The following SETD2 variants were observed in gnomAD, a reference collection of about 807,000 sequenced individuals.
The protein encoded by SETD2 is SET domain containing 2, histone lysine methyltransferase.
In SETD2, 31 loss-of-function variants were observed where a neutral mutation model predicts 242.1. That is an observed-to-expected ratio of 0.13 (90% CI 0.10 to 0.17). SETD2 has a LOEUF of 0.17. Among genes scored for constraint, SETD2 ranks in the 10% least tolerant of loss-of-function variants. SETD2 has a pLI of 1.00. For synonymous variants in SETD2, 1,006 were observed against 1,066.5 expected (o/e 0.94, Z 1.11); for missense variants, 2,481 against 3,046.3 (o/e 0.81, Z 4.37).
intron 8 of SETD2, among the ~76,000 whole-genome samples, chr3:47,099,573 G>A (rs2042131009): frequency 6.6e-6 from 1 of 152,184 alleles, no homozygotes; most frequent in African/African-American, 2.4e-5. Context: ...CTTACTAAGT[G>A]TTGCAAAATG....
intron 1 of SETD2, among the ~76,000 whole-genome samples, chr3:47,160,561 C>T (rs1180650627): frequency 5.3e-5 from 8 of 151,914 alleles, no homozygotes; most frequent in African/African-American, 1.7e-4. Context: ...CCACCCACCT[C>T]GGCCTCCAAA....
chr3:47,106,096 A>G lies in SETD2; in HGVS notation c.4740T>C (p.Cys1580=), dbSNP rs2042408100. The part of the protein sequence containing the change: ...LPSNTFVLEY[C]GEVLDHKEFK... ...ACTCTTTATGATCGAGTACCTCTCC[A>G]CAATATTCTAGGACAAAGGTGTTCC... The change falls in exon 6 of 21, where the codon TGT becomes TGC. Residue 1580 remains cysteine (C), a synonymous_variant. Coordinates refer to ENST00000409792, the MANE Select transcript of SETD2 (RefSeq NM_014159.7). The G allele has an allele frequency of 6.2e-7, 1 of 1,613,592 alleles. No homozygotes were observed. Among genetic ancestry groups the G allele is most frequent in the African/African-American group, 1.3e-5 (1 of 74,858 alleles).
At chr3:47,111,664 C>T (rs1264374287) in intron 5 of SETD2, among the ~76,000 whole-genome samples, 1 of 151,956 alleles carries the variant, frequency 6.6e-6, no homozygotes, top group Non-Finnish European at 1.5e-5. Context: ...CCTACTAGCC[C>T]CCTTTTTGTG....
intron 1 of SETD2, among the ~76,000 whole-genome samples, chr3:47,142,473 C>T (rs1265855653): frequency 6.6e-6 from 1 of 152,038 alleles, no homozygotes; most frequent in Non-Finnish European, 1.5e-5. Context: ...GGTGCCACTG[C>T]ACTCCAGCCT....
At chr3:47,138,961 C>CT (rs1477055569) in intron 1 of SETD2, among the ~76,000 whole-genome samples, 7 of 151,878 alleles carry the variant, frequency 4.6e-5, no homozygotes, top group East Asian at 3.8e-4. Context: ...TCTTTCTTTT[C>CT]TTTTTTTTGA....
chr3:47,109,610 T>C (rs2042572442), intron 5 of SETD2, among the ~76,000 whole-genome samples: 2 of 152,082 alleles, frequency 1.3e-5, no homozygotes, highest in Admixed American at 1.3e-4. Context: ...ATCGCGCCAC[T>C]GCATTCAAGC....
chr3:47,089,333 G>A (rs1450191603), intron 9 of SETD2, among the ~76,000 whole-genome samples: 2 of 152,052 alleles, frequency 1.3e-5, no homozygotes, highest in Non-Finnish European at 2.9e-5. Flanking sequence ...TATAGTCTCA[G>A]CTATTCAGGA....
chr3:47,110,322 T>C (rs984772098), intron 5 of SETD2, among the ~76,000 whole-genome samples: 1 of 152,188 alleles, frequency 6.6e-6, no homozygotes, highest in Non-Finnish European at 1.5e-5. Context: ...TTTCAGATGA[T>C]GAAAATGTTT....
intron 16 of SETD2, among the ~76,000 whole-genome samples, chr3:47,043,741 C>G (rs571779323): frequency 6.6e-6 from 1 of 152,132 alleles, no homozygotes; most frequent in Non-Finnish European, 1.5e-5. Flanking sequence ...TTTTTTATCT[C>G]TTATTTCACC....
At chr3:47,111,211 CTTTGA>C (rs1483072982) in intron 5 of SETD2, among the ~76,000 whole-genome samples, 1 of 150,482 alleles carries the variant, frequency 6.6e-6, no homozygotes, top group African/African-American at 2.4e-5. Flanking sequence ...CAATGGGCTG[CTTTGA>C]GAGGTATTGA....
Position 47,046,605 on chromosome 3 carries a change from C to T in SETD2, c.6980G>A (p.Ser2327Asn). 1 of 1,611,176 alleles carries T rather than the reference C, an allele frequency of 6.2e-7. No homozygotes were observed. Among genetic ancestry groups the T allele is most frequent in the South Asian group, 1.1e-5 (1 of 90,604 alleles). Residue 2327 changes from serine (S) to asparagine (N), a missense_variant, in exon 16 of 21, where the codon AGT (serine) becomes AAT (asparagine). Coordinates refer to ENST00000409792, the MANE Select transcript of SETD2 (RefSeq NM_014159.7). ...CTGTTGCCCCTGGATATACTGAAGA[C>T]TTGGCTGGGCATAACTCTAAAAGAT... is the stretch of plus-strand genomic sequence containing the variant. Reference protein sequence around the residue: ...PPIVQSYAQPSLQYIQGQQIF... With the variant: ...PPIVQSYAQPNLQYIQGQQIF...
intron 5 of SETD2, among the ~76,000 whole-genome samples, chr3:47,109,784 G>A (rs187805714): frequency 2.0e-5 from 3 of 152,028 alleles, no homozygotes; most frequent in South Asian, 2.1e-4. Context: ...TCAGGAGTTC[G>A]AGACCAGCTG....
At chr3:47,137,130 T>G (rs1024190250) in intron 1 of SETD2, among the ~76,000 whole-genome samples, 1 of 152,164 alleles carries the variant, frequency 6.6e-6, no homozygotes, top group African/African-American at 2.4e-5. Context: ...TCCTTTGAGA[T>G]TCTCCCATCA....
At chr3:47,133,106 G>A (rs963566071) in intron 1 of SETD2, among the ~76,000 whole-genome samples, 2 of 152,074 alleles carry the variant, frequency 1.3e-5, no homozygotes, top group African/African-American at 4.8e-5. Context: ...AAGTAATGAT[G>A]TATACATATA....
intron 16 of SETD2, among the ~76,000 whole-genome samples, chr3:47,044,291 C>G (rs1003016136): frequency 1.6e-5 from 2 of 125,242 alleles, no homozygotes; most frequent in African/African-American, 6.2e-5. Flanking sequence ...TGCAGTGAGC[C>G]GCGAGATCAA....
chr3:47,116,447 ATT>A (rs2042856274), intron 4 of SETD2, among the ~76,000 whole-genome samples, 174 bp downstream of exon 4: 1 of 152,204 alleles, frequency 6.6e-6, no homozygotes, highest in African/African-American at 2.4e-5. Flanking sequence ...TGCAAGGGAT[ATT>A]TGTTTCCCTA....
chr3:47,033,652 A>ATTTTT lies in SETD2; in HGVS notation c.7350+4009_7350+4013dup, dbSNP rs34978514. 3.4e-4 allele frequency among the ~76,000 whole-genome samples: 31 copies of ATTTTT among 90,864 alleles called. 2 individuals are homozygous for ATTTTT. Among genetic ancestry groups the ATTTTT allele is most frequent in the African/African-American group, 7.3e-4 (16 of 22,066 alleles). 59.6% of individuals were successfully genotyped at this position (90,864 alleles called of 152,430 possible). Reference sequence around the variant, plus strand: ...AAGTTATAAGCCCTGTCATGGTTTGATTTTTTTTTTTTTTTTTTTTTTTTT... The same window carrying ATTTTT: ...AAGTTATAAGCCCTGTCATGGTTTGATTTTTTTTTTTTTTTTTTTTTTTTTTTTTT... On this transcript the variant is annotated intron_variant, in intron 18 of 20. Coordinates refer to ENST00000409792, the MANE Select transcript of SETD2 (RefSeq NM_014159.7).
chr3:47,075,130 T>A (rs1339896806), intron 12 of SETD2, among the ~76,000 whole-genome samples: 1 of 135,068 alleles, frequency 7.4e-6, no homozygotes, highest in Non-Finnish European at 1.6e-5. Context: ...CGAGACTCCG[T>A]CTCTTAAAAA....
intron 1 of SETD2, among the ~76,000 whole-genome samples, chr3:47,132,977 T>TTGTATCAG (rs1297291734): frequency 1.3e-5 from 2 of 152,172 alleles, no homozygotes; most frequent in Non-Finnish European, 2.9e-5. Context: ...GAAAATAATA[T>TTGTATCAG]TGTATCAGTG....
Sources: gnomAD v4.1 joint callset for allele counts (sites outside exome capture counted in the v4.1 genomes callset) on GRCh38, gnomAD v4.1.1 for gene constraint, MANE v1.5 for transcripts, NCBI Gene and HGNC (gene_info 2026-07-23, HGNC 2026-07-21) for gene names.